The following TESPA1 variants were observed in gnomAD, a reference collection of about 807,000 sequenced individuals.
The protein encoded by TESPA1 is thymocyte expressed, positive selection associated 1.
TESPA1 carries 33 observed loss-of-function variants against 57.9 expected under a neutral mutation model. That is an observed-to-expected ratio of 0.57 (90% CI 0.43 to 0.76). The LOEUF (loss-of-function observed/expected upper bound fraction) is 0.76. TESPA1 is among the 30% of genes least tolerant of loss of function. The pLI, the probability that TESPA1 is intolerant of heterozygous loss-of-function variation, is 0.00. For missense variants in TESPA1, 618 were observed against 632.9 expected (o/e 0.98, Z 0.25); for synonymous variants, 227 against 228.9 (o/e 0.99, Z 0.07).
chr12:54,960,787 G>C (rs1951025202), intron 10 of TESPA1, among the ~76,000 whole-genome samples: 1 of 152,254 alleles, frequency 6.6e-6, no homozygotes, highest in African/African-American at 2.4e-5. Flanking sequence ...ATGTCTCCTG[G>C]AACAGCAGTT....
In TESPA1 at chr12:54,948,885, T is replaced by A. The variant is rs1433250409; in HGVS notation, c.*1507A>T. On this transcript the variant is annotated 3_prime_UTR_variant, in exon 11 of 11. Transcript: ENST00000449076. ...CCTGACTTCAGGCCCTTGACCTCCC[T>A]TAAGAATATTTGCTTTAGAAAATTT... 6.6e-6 allele frequency: 1 copy of A among 152,234 alleles called. No individual in the cohort carries two copies. The highest frequency in any genetic ancestry group is 6.5e-5 in the Admixed American group (1 of 15,280). 9.4% of individuals were successfully genotyped at this position (152,234 alleles called of 1,614,324 possible). A position where few individuals can be genotyped will look rare whatever the true frequency, so the allele number is the denominator to read the frequency against.
chr12:54,951,498 C>T (rs749367289), intron 10 of TESPA1, among the ~76,000 whole-genome samples: 4 of 152,180 alleles, frequency 2.6e-5, no homozygotes, highest in Non-Finnish European at 5.9e-5. Flanking sequence ...TTCTTTCCTT[C>T]CAGGGAAATA....
chr12:54,959,670 T>C (rs1351644364), intron 10 of TESPA1, among the ~76,000 whole-genome samples: 1 of 152,214 alleles, frequency 6.6e-6, no homozygotes, highest in East Asian at 1.9e-4. Flanking sequence ...ATCTTTGCAT[T>C]TGCCTATTTC....
intron 1 of TESPA1, among the ~76,000 whole-genome samples, chr12:54,983,379 C>T (rs1293326926): frequency 2.0e-5 from 3 of 152,142 alleles, no homozygotes; most frequent in African/African-American, 7.2e-5. Context: ...TAGAGACAGA[C>T]AATAAACCTG....
At position 54,963,809 on chromosome 12, in the gene TESPA1, A is replaced by G. The variant is rs1300150778; in HGVS notation, c.588T>C (p.Asp196=). 1.4e-5 allele frequency: 22 copies of G among 1,613,856 alleles called. No homozygotes were observed. Among genetic ancestry groups the G allele is most frequent in the Non-Finnish European group, 1.9e-5 (22 of 1,179,894 alleles). Residue 196 remains aspartate, a synonymous_variant, in exon 8 of 11, where the codon GAT becomes GAC. Coordinates refer to ENST00000449076, the MANE Select transcript of TESPA1 (RefSeq NM_001136030.3). ...CCTGGGACTTCAGGAAGAGCTGGAA[A>G]TCAATGCCCTTGGCCTGAGAGGGGG... The part of the protein sequence containing the change: ...FTTPSQAKGI[D]FQLFLKSQVR...
At chr12:54,960,257 T>G (rs1459845346) in intron 10 of TESPA1, among the ~76,000 whole-genome samples, 1 of 152,212 alleles carries the variant, frequency 6.6e-6, no homozygotes, top group African/African-American at 2.4e-5. Context: ...GAAAGATTAA[T>G]TTTCATTAGT....
chr12:54,952,165 G>A (rs1263614706), intron 10 of TESPA1, among the ~76,000 whole-genome samples: 2 of 152,298 alleles, frequency 1.3e-5, no homozygotes, highest in Non-Finnish European at 2.9e-5. Flanking sequence ...GAGATGGCAT[G>A]CTCTTGCTTT....
chr12:54,952,608 T>C lies in TESPA1; in HGVS notation c.*2-2218A>G, dbSNP rs553650470. On this transcript the variant is annotated intron_variant, in intron 10 of 10. Coordinates refer to ENST00000449076, the MANE Select transcript of TESPA1 (RefSeq NM_001136030.3). The stretch of plus-strand genomic sequence containing the variant: ...CCCAGAGATAAAGTTTATGCTGTTA[T>C]TGGATATTAACCAGTTTTGTATCTA... 4.6e-5 allele frequency among the ~76,000 whole-genome samples: 7 copies of C among 152,376 alleles called. No individual in the cohort carries two copies. The South Asian group carries it at 1.5e-3, about 32-fold the overall frequency.
At chr12:54,967,414 C>A (rs1951514890) in intron 4 of TESPA1, among the ~76,000 whole-genome samples, 178 bp from the exon 5 acceptor site, 1 of 150,794 alleles carries the variant, frequency 6.6e-6, no homozygotes, top group Non-Finnish European at 1.5e-5. Context: ...TATATCACCT[C>A]AGAAGTCATA....
At chr12:54,961,049 A>G (rs1190673350) in intron 10 of TESPA1, 119 bp downstream of exon 10, 6 of 1,192,158 alleles carry the variant, frequency 5.0e-6, no homozygotes, top group Non-Finnish European at 7.3e-6. Flanking sequence ...TTGGTTTCCA[A>G]TTAAATCAGA....
intron 1 of TESPA1, among the ~76,000 whole-genome samples, chr12:54,978,182 ATG>A (rs989956858): frequency 6.6e-6 from 1 of 152,174 alleles, no homozygotes; most frequent in African/African-American, 2.4e-5. Flanking sequence ...AGATATGGAG[ATG>A]TTTCCTCCAA....
intron 3 of TESPA1, among the ~76,000 whole-genome samples, chr12:54,970,602 C>T (rs930236830): frequency 6.6e-6 from 1 of 152,180 alleles, no homozygotes; most frequent in African/African-American, 2.4e-5. Context: ...TGATTTGAGA[C>T]TTTATGTCCA....
chr12:54,982,463 G>A (rs989063671), intron 1 of TESPA1, among the ~76,000 whole-genome samples: 1 of 152,180 alleles, frequency 6.6e-6, no homozygotes, highest in Non-Finnish European at 1.5e-5. Flanking sequence ...ACTGAAAGAA[G>A]ACCATCTAAG....
intron 3 of TESPA1, among the ~76,000 whole-genome samples, chr12:54,968,640 C>T (rs1382093172): frequency 3.3e-5 from 5 of 152,086 alleles, no homozygotes; most frequent in Non-Finnish European, 5.9e-5. Flanking sequence ...TCAAATATTA[C>T]GTAAGGGAAT....
At chr12:54,953,380 T>C (rs898209899) in intron 10 of TESPA1, among the ~76,000 whole-genome samples, 2 of 152,292 alleles carry the variant, frequency 1.3e-5, no homozygotes, top group African/African-American at 4.8e-5. Context: ...ATTCCATTCA[T>C]CTGTCTTTGA....
chr12:54,984,890 C>T (rs1952436801), upstream of TESPA1: 1 of 152,314 alleles, frequency 6.6e-6, no homozygotes, highest in Admixed American at 6.5e-5. Context: ...GTGCTCACAA[C>T]TAGGAAGACC....
In TESPA1 at chr12:54,958,506, G is replaced by A. The variant is rs371989898; in HGVS notation, c.*1+2662C>T. On this transcript the variant is annotated intron_variant, in intron 10 of 10. Transcript: ENST00000449076. Reference sequence around the variant, plus strand: ...GATTTTTGCGTTTTTTTGTGCGTGTGTTTATTCTTTTCGGTGTTCTCTGAG... The same window carrying A: ...GATTTTTGCGTTTTTTTGTGCGTGTATTTATTCTTTTCGGTGTTCTCTGAG... Among the ~76,000 whole-genome samples the A allele has an allele frequency of 1.4e-3, 192 of 139,494 alleles. 2 individuals are homozygous for A. The South Asian group carries it at 0.018, about 13-fold the overall frequency. The allele number at this position is 139,494 out of a possible 152,430, so 91.5% of individuals were successfully genotyped here.
chr12:54,949,698 G>C lies in TESPA1; in HGVS notation c.*694C>G, dbSNP rs1950267728. 2 of 152,534 alleles carry C rather than the reference G, an allele frequency of 1.3e-5. No homozygotes were observed. The highest frequency in any genetic ancestry group is 4.1e-4 in the South Asian group (2 of 4,824). 9.4% of individuals were successfully genotyped at this position (152,534 alleles called of 1,614,324 possible). On this transcript the variant is annotated 3_prime_UTR_variant, in exon 11 of 11. Transcript: ENST00000449076. ...GCATTTTTTCCCCCCACAATGGCTA[G>C]GAGAAGAGACTCTGAATCCTACTTA...
intron 1 of TESPA1, among the ~76,000 whole-genome samples, chr12:54,982,429 A>C (rs1385418952): frequency 6.6e-6 from 1 of 152,228 alleles, no homozygotes; most frequent in Non-Finnish European, 1.5e-5. Context: ...TCTTTCTCCC[A>C]CAAATAAGCG....
Sources: allele counts gnomAD v4.1 joint callset (sites outside exome capture counted in the v4.1 genomes callset), GRCh38; gene constraint gnomAD v4.1.1; transcripts MANE v1.5; gene names NCBI Gene and HGNC (gene_info 2026-07-23, HGNC 2026-07-21).